UBAP2: variants seen among roughly 807,000 people sequenced by gnomAD.
The protein encoded by UBAP2 is ubiquitin associated protein 2, also known as ubiquitin-associated protein 2.
A neutral mutation model predicts 139.6 loss-of-function variants in UBAP2; 75 were observed. The ratio of observed to expected loss-of-function variants is 0.54; its 90% CI spans 0.45 to 0.65. The LOEUF (loss-of-function observed/expected upper bound fraction) is 0.65, where lower values mean the gene tolerates loss of function less well. Among genes scored for constraint, UBAP2 ranks in the 30% least tolerant of loss-of-function variants. The probability of loss-of-function intolerance (pLI) is 0.00; values close to 1 mark genes in which losing one functional copy is unlikely to be tolerated. For synonymous variants in UBAP2, 526 were observed against 526.2 expected (o/e 1.00, Z 0.01); for missense variants, 1,368 against 1,369.6 (o/e 1.00, Z 0.02).
At chr9:33,938,804 A>C in intron 16 of UBAP2, 1 of 415,356 alleles carries the variant, frequency 2.4e-6, no homozygotes, top group South Asian at 1.8e-5. Flanking sequence ...TCAAAAAAAA[A>C]AAAAAAAAAG....
intron 13 of UBAP2, among the ~76,000 whole-genome samples, chr9:33,945,386 C>G (rs1254441839): frequency 6.6e-6 from 1 of 152,018 alleles, no homozygotes; most frequent in African/African-American, 2.4e-5. Context: ...GTAGTCCCAG[C>G]TACTCGGGAG....
chr9:33,977,318 T>C (rs1437279811), intron 6 of UBAP2, among the ~76,000 whole-genome samples: 1 of 151,996 alleles, frequency 6.6e-6, no homozygotes, highest in Non-Finnish European at 1.5e-5. Context: ...ATTACAGGCG[T>C]GAACCACCGC....
At chr9:33,966,830 C>G (rs912564772) in intron 8 of UBAP2, among the ~76,000 whole-genome samples, 7 of 151,790 alleles carry the variant, frequency 4.6e-5, no homozygotes, top group Non-Finnish European at 5.9e-5. Flanking sequence ...TAGAATTCAT[C>G]CTCTGTACCT....
chr9:34,001,867 T>C (rs1822731876), intron 2 of UBAP2, among the ~76,000 whole-genome samples: 1 of 151,880 alleles, frequency 6.6e-6, no homozygotes, highest in Non-Finnish European at 1.5e-5. Flanking sequence ...TCTTAAATTA[T>C]AAGCTTTACA....
chr9:33,927,740 AAGCAGGC>A (rs1823578407), intron 20 of UBAP2, 50 bp downstream of exon 20: 1 of 1,528,296 alleles, frequency 6.5e-7, no homozygotes. Context: ...CTGGGACGCC[AAGCAGGC>A]ACCTTTGAGG....
In UBAP2 at chr9:34,035,514, A is replaced by AATATATATATAT. The variant is rs1554692782; in HGVS notation, c.-42+13299_-42+13310dup. On this transcript the variant is annotated intron_variant, in intron 1 of 28. Coordinates refer to ENST00000379238, the MANE Select transcript of UBAP2 (RefSeq NM_001370062.2). ...GAGACTCCATCTAAAAAAAAAAAAA[A>AATATATATATAT]ATATATATATATAAAGATTAGCCAG... 1.9e-3 allele frequency among the ~76,000 whole-genome samples: 42 copies of AATATATATATAT among 22,482 alleles called. 5 individuals are homozygous for AATATATATATAT. The highest frequency in any genetic ancestry group is 3.6e-3 in the East Asian group (2 of 558). 14.7% of individuals were successfully genotyped at this position (22,482 alleles called of 152,430 possible).
At chr9:34,033,314 C>T (rs954921598) in intron 1 of UBAP2, among the ~76,000 whole-genome samples, 2 of 152,066 alleles carry the variant, frequency 1.3e-5, no homozygotes, top group South Asian at 2.1e-4. Context: ...TTTGAAACAA[C>T]GTGGATAGAA....
intron 3 of UBAP2, 21 bp downstream of exon 3, chr9:33,998,766 T>C (rs1315626405): frequency 1.3e-6 from 2 of 1,591,772 alleles, no homozygotes; most frequent in Non-Finnish European, 8.6e-7. Flanking sequence ...AAAATGATGA[T>C]ATCCTTTGCC....
chr9:33,998,985 G>A (rs1250582610), intron 2 of UBAP2, 121 bp from the exon 3 acceptor site: 2 of 737,074 alleles, frequency 2.7e-6, no homozygotes, highest in Non-Finnish European at 4.5e-6. Context: ...ACAAATAAAA[G>A]ACAGTGAATT....
rs1395419495 is a variant in UBAP2 at position 33,981,115 on chromosome 9, TA to T, written c.520+5644del. 3.6e-3 allele frequency among the ~76,000 whole-genome samples: 26 copies of T among 7,150 alleles called. 10 individuals are homozygous for T. Among genetic ancestry groups the T allele is most frequent in the South Asian group, 0.012 (2 of 170 alleles). The allele number at this position is 7,150 out of a possible 152,430, so 4.7% of individuals were successfully genotyped here. A position where few individuals can be genotyped will look rare whatever the true frequency, so the allele number is the denominator to read the frequency against. ...TATATATATTCTGGATATATATATA[TA>T]TATATATATATATATATATATTCTG... On this transcript the variant is annotated intron_variant, in intron 6 of 28. Coordinates refer to ENST00000379238, the MANE Select transcript of UBAP2 (RefSeq NM_001370062.2).
intron 6 of UBAP2, among the ~76,000 whole-genome samples, chr9:33,985,286 T>C (rs1390520074): frequency 6.6e-6 from 1 of 152,168 alleles, no homozygotes; most frequent in Non-Finnish European, 1.5e-5. Flanking sequence ...AATTATCAAG[T>C]TGAGGTATTT....
At chr9:34,044,683 T>A (rs772075366) in intron 1 of UBAP2, among the ~76,000 whole-genome samples, 1 of 151,642 alleles carries the variant, frequency 6.6e-6, no homozygotes. Flanking sequence ...ATGGCCAACA[T>A]GGTGAAATCC....
At chr9:33,947,021 T>G (rs1825702787) in intron 13 of UBAP2, among the ~76,000 whole-genome samples, 2 of 152,224 alleles carry the variant, frequency 1.3e-5, no homozygotes, top group Admixed American at 6.5e-5. Flanking sequence ...TAAGAATGTC[T>G]GTATAAACAA....
intron 16 of UBAP2, 88 bp downstream of exon 16, chr9:33,941,561 A>G: frequency 8.6e-7 from 1 of 1,165,754 alleles, no homozygotes. Context: ...TGTAAAATAA[A>G]ATCATATCCA....
intron 10 of UBAP2, among the ~76,000 whole-genome samples, chr9:33,959,984 C>T (rs899735204): frequency 1.3e-5 from 2 of 152,128 alleles, no homozygotes; most frequent in African/African-American, 4.8e-5. Flanking sequence ...GTCACCCAGG[C>T]TAGAGGGCGG....
At chr9:33,986,403 AAATGATC>A (rs1324878923) in intron 6 of UBAP2, among the ~76,000 whole-genome samples, 2 of 152,212 alleles carry the variant, frequency 1.3e-5, no homozygotes, top group African/African-American at 4.8e-5. Flanking sequence ...CTGAAAGCTC[AAATGATC>A]ATAGCCTTTT....
chr9:33,986,814 C>G lies in UBAP2; in HGVS notation c.466G>C (p.Asp156His). 1 of 1,614,102 alleles carries G rather than the reference C, an allele frequency of 6.2e-7. No individual in the cohort carries two copies. The highest frequency in any genetic ancestry group is 1.6e-4 in the Middle Eastern group (1 of 6,062). ...REFRGEENGI[D>H]CNQVDKPSDR... The stretch of plus-strand genomic sequence containing the variant: ...GAAGGTTTGTCCACTTGATTGCAAT[C>G]AATTCCATTTTCTTCACCTCTAACT... Residue 156 changes from aspartate to histidine, a missense_variant, in exon 6 of 29, where the codon GAT becomes CAT. Asp to His is a moderately conservative substitution (Grantham distance 81). Coordinates refer to ENST00000379238, the MANE Select transcript of UBAP2 (RefSeq NM_001370062.2).
chr9:33,998,985 G>C (rs1250582610), intron 2 of UBAP2, 121 bp from the exon 3 acceptor site: 8 of 737,074 alleles, frequency 1.1e-5, no homozygotes, highest in East Asian at 5.2e-5. Context: ...ACAAATAAAA[G>C]ACAGTGAATT....
At chr9:34,039,634 A>C (rs907844319) in intron 1 of UBAP2, among the ~76,000 whole-genome samples, 1 of 152,100 alleles carries the variant, frequency 6.6e-6, no homozygotes, top group Non-Finnish European at 1.5e-5. Flanking sequence ...GTGCTTTGTT[A>C]AACAGATGCT....
Sources: gnomAD v4.1 joint callset for allele counts (sites outside exome capture counted in the v4.1 genomes callset) on GRCh38, gnomAD v4.1.1 for gene constraint, MANE v1.5 for transcripts, NCBI Gene and HGNC (gene_info 2026-07-23, HGNC 2026-07-21) for gene names.